RNF169: variants seen among roughly 807,000 people sequenced by gnomAD.
The protein encoded by RNF169 is ring finger protein 169, also known as E3 ubiquitin-protein ligase RNF169.
Under a neutral mutation model 53.9 loss-of-function variants are expected in RNF169, and 24 were observed. The observed-to-expected ratio is 0.45, with a 90% CI of 0.32 to 0.63. The LOEUF (loss-of-function observed/expected upper bound fraction) is 0.63. Among genes scored for constraint, RNF169 ranks in the 20% least tolerant of loss-of-function variants. The pLI is 0.04. For missense variants in RNF169, 883 were observed against 906.2 expected (o/e 0.97, Z 0.33); for synonymous variants, 396 against 363.5 (o/e 1.09, Z -1.02).
intron 2 of RNF169, among the ~76,000 whole-genome samples, chr11:74,801,683 A>G (rs2035731332): frequency 6.6e-6 from 1 of 152,260 alleles, no homozygotes; most frequent in Non-Finnish European, 1.5e-5. Flanking sequence ...ACAGTGGTGC[A>G]CACCTATAAT....
At chr11:74,821,946 C>T (rs1357669670) in intron 4 of RNF169, among the ~76,000 whole-genome samples, 1 of 151,976 alleles carries the variant, frequency 6.6e-6, no homozygotes, top group African/African-American at 2.4e-5. Flanking sequence ...CAAAATATTA[C>T]CAACTTCTGG....
chr11:74,809,855 C>G (rs1156383508), intron 2 of RNF169, among the ~76,000 whole-genome samples: 2 of 152,188 alleles, frequency 1.3e-5, no homozygotes, highest in African/African-American at 4.8e-5. Context: ...TTACATCTGG[C>G]TTATGGGAAT....
intron 1 of RNF169, among the ~76,000 whole-genome samples, chr11:74,771,148 G>T (rs2035254650): frequency 6.6e-6 from 1 of 152,046 alleles, no homozygotes; most frequent in African/African-American, 2.4e-5. Context: ...TAACATTAAG[G>T]TTACTGGTTG....
At chr11:74,819,270 A>C (rs1210502518) in intron 4 of RNF169, among the ~76,000 whole-genome samples, 2 of 152,164 alleles carry the variant, frequency 1.3e-5, no homozygotes, top group South Asian at 4.1e-4. Flanking sequence ...CATCTTATTC[A>C]GTCCATTTGT....
At chr11:74,767,191 A>G (rs2035186637) in intron 1 of RNF169, among the ~76,000 whole-genome samples, 2 of 152,128 alleles carry the variant, frequency 1.3e-5, no homozygotes, top group South Asian at 4.2e-4. Flanking sequence ...ATCGAGTAGT[A>G]TATTTTTAAA....
chr11:74,809,303 G>A (rs1170653068), intron 2 of RNF169, among the ~76,000 whole-genome samples: 1 of 152,034 alleles, frequency 6.6e-6, no homozygotes, highest in East Asian at 1.9e-4. Context: ...AGTAGAAATG[G>A]AATCTTGATG....
chr11:74,825,125 A>G (rs1355391432), intron 4 of RNF169, among the ~76,000 whole-genome samples: 1 of 152,050 alleles, frequency 6.6e-6, no homozygotes, highest in Non-Finnish European at 1.5e-5. Context: ...TACATTATAT[A>G]ATGATAAAAG....
At chr11:74,758,371 T>A (rs896579087) in intron 1 of RNF169, among the ~76,000 whole-genome samples, 57 of 147,958 alleles carry the variant, frequency 3.9e-4, no homozygotes, top group African/African-American at 1.4e-3. Context: ...TCTGTTTTGG[T>A]ACCAGTACCA....
Position 74,775,295 on chromosome 11 carries a change from C to A in RNF169, c.503-14331C>A, listed in dbSNP as rs1216371521. Among the ~76,000 whole-genome samples, 12 of 152,258 alleles carry A rather than the reference C, an allele frequency of 7.9e-5. No individual in the cohort carries two copies. The South Asian group carries it at 2.5e-3, about 32-fold the overall frequency. On this transcript the variant is annotated intron_variant, in intron 1 of 5. Transcript: ENST00000299563. The stretch of plus-strand genomic sequence containing the variant: ...ATCTTATACATTAATAGGGATGTTT[C>A]TCCCATTCTGATTACTTTGTACTCC...
At chr11:74,777,580 A>G (rs183197732) in intron 1 of RNF169, among the ~76,000 whole-genome samples, 2 of 152,184 alleles carry the variant, frequency 1.3e-5, no homozygotes, top group Admixed American at 6.5e-5. Context: ...TGGATTCAAC[A>G]AGAAACCTTA....
At position 74,748,898 on chromosome 11, in the gene RNF169, G is replaced by A; in HGVS notation, c.18G>A (p.Pro6=). 7.0e-7 allele frequency: 1 copy of A among 1,432,136 alleles called. No homozygotes were observed. The highest frequency in any genetic ancestry group is 9.2e-7 in the Non-Finnish European group (1 of 1,081,104). The allele number at this position is 1,432,136 out of a possible 1,614,324, so 88.7% of individuals were successfully genotyped here. A position where few individuals can be genotyped will look rare whatever the true frequency, so the allele number is the denominator to read the frequency against. ...GAAACAAGATGGCGGCTGCAGGTCCGAGTACTCGGGCCTCTTCCGCGGCGG... is the reference window on the plus strand; with the variant it reads ...GAAACAAGATGGCGGCTGCAGGTCCAAGTACTCGGGCCTCTTCCGCGGCGG... The part of the protein sequence containing the change: MAAAG[P]STRASSAAAA... Residue 6 remains proline, a synonymous_variant, in exon 1 of 6, where the codon CCG becomes CCA. Transcript: ENST00000299563.
intron 1 of RNF169, among the ~76,000 whole-genome samples, chr11:74,772,360 A>G (rs77252273): frequency 6.6e-6 from 1 of 152,052 alleles, no homozygotes; most frequent in Non-Finnish European, 1.5e-5. Flanking sequence ...AGTAAATACT[A>G]CAACCACACA....
At chr11:74,756,559 C>T (rs2034986549) in intron 1 of RNF169, among the ~76,000 whole-genome samples, 2 of 152,222 alleles carry the variant, frequency 1.3e-5, no homozygotes, top group Admixed American at 6.5e-5. Context: ...AGAAGATAAT[C>T]TAGTTTGGAT....
intron 4 of RNF169, among the ~76,000 whole-genome samples, chr11:74,829,020 G>A (rs888349186): frequency 3.3e-5 from 5 of 152,180 alleles, no homozygotes; most frequent in Non-Finnish European, 7.3e-5. Context: ...AAGAGCTTCT[G>A]CACAGCAAAA....
intron 2 of RNF169, among the ~76,000 whole-genome samples, chr11:74,804,618 A>G (rs915866775): frequency 6.6e-6 from 1 of 152,098 alleles, no homozygotes; most frequent in Non-Finnish European, 1.5e-5. Context: ...TGTAGCTCTC[A>G]TTTATCTCAG....
intron 1 of RNF169, among the ~76,000 whole-genome samples, chr11:74,774,553 C>A (rs2035304729): frequency 6.6e-6 from 1 of 152,092 alleles, no homozygotes; most frequent in Non-Finnish European, 1.5e-5. Flanking sequence ...TATACCTACC[C>A]TGGGGTACCT....
rs1218372171 is a variant in RNF169, at chr11:74,839,147, A to G, written c.*2417A>G. On this transcript the variant is annotated 3_prime_UTR_variant, in exon 6 of 6. Coordinates refer to ENST00000299563, the MANE Select transcript of RNF169 (RefSeq NM_001098638.2). Reference sequence around the variant, plus strand: ...AGCAAATAGTCCAAACTCTAGGTCCAGCTTACTGCCTTCCCCCCTTGTACC... The same window carrying G: ...AGCAAATAGTCCAAACTCTAGGTCCGGCTTACTGCCTTCCCCCCTTGTACC... The G allele has an allele frequency of 1.3e-5, 2 of 152,228 alleles. No individual in the cohort carries two copies. The highest frequency in any genetic ancestry group is 3.8e-4 in the East Asian group (2 of 5,196). The allele number at this position is 152,228 out of a possible 1,614,324, so 9.4% of individuals were successfully genotyped here.
At chr11:74,793,625 A>G (rs750014742) in intron 2 of RNF169, among the ~76,000 whole-genome samples, 4 of 152,230 alleles carry the variant, frequency 2.6e-5, no homozygotes, top group Non-Finnish European at 4.4e-5. Context: ...GGGCCTACTA[A>G]GGACAGGGAG....
chr11:74,814,422 C>T (rs1278475173), intron 3 of RNF169, among the ~76,000 whole-genome samples: 1 of 140,846 alleles, frequency 7.1e-6, no homozygotes, highest in Non-Finnish European at 1.5e-5. Flanking sequence ...CACTGTGTCA[C>T]CCAGGCTGGA....
Sources: gnomAD v4.1 joint callset for allele counts (sites outside exome capture counted in the v4.1 genomes callset) on GRCh38, gnomAD v4.1.1 for gene constraint, MANE v1.5 for transcripts, NCBI Gene and HGNC (gene_info 2026-07-23, HGNC 2026-07-21) for gene names.